Variants in PEAK1 observed in about 807,000 individuals in gnomAD.
The protein encoded by PEAK1 is inactive tyrosine-protein kinase PEAK1.
In PEAK1, 54 loss-of-function variants were observed where a neutral mutation model predicts 124.7. That is an observed-to-expected ratio of 0.43 (90% CI 0.35 to 0.54). The LOEUF (loss-of-function observed/expected upper bound fraction) is 0.54. PEAK1 is among the 20% of genes least tolerant of loss of function. The pLI, the probability that PEAK1 is intolerant of heterozygous loss-of-function variation, is 0.01. For missense variants in PEAK1, 2,046 were observed against 2,134.5 expected (o/e 0.96, Z 0.82); for synonymous variants, 719 against 760.0 (o/e 0.95, Z 0.89).
chr15:77,382,937 T>C (rs1338216960), intron 1 of PEAK1, among the ~76,000 whole-genome samples: 1 of 152,122 alleles, frequency 6.6e-6, no homozygotes, highest in Non-Finnish European at 1.5e-5. Context: ...CTTAAAATGT[T>C]TATTGATCTA....
chr15:77,348,554 A>G, intron 2 of PEAK1: 1 of 966,354 alleles, frequency 1.0e-6, no homozygotes, highest in Non-Finnish European at 1.2e-6. Context: ...AAAGCTTGGC[A>G]AGCTTAAGTG....
chr15:77,239,955 T>C (rs1012915680), intron 6 of PEAK1: 1 of 480,326 alleles, frequency 2.1e-6, no homozygotes, highest in Admixed American at 6.4e-5. Flanking sequence ...CTATGACAAA[T>C]AGATGAGCAC....
At chr15:77,267,420 T>C (rs981898484) in intron 5 of PEAK1, among the ~76,000 whole-genome samples, 1 of 152,112 alleles carries the variant, frequency 6.6e-6, no homozygotes, top group Non-Finnish European at 1.5e-5. Context: ...AACCAGCTTG[T>C]GTAACAAAAA....
intron 8 of PEAK1, among the ~76,000 whole-genome samples, chr15:77,146,326 T>C (rs958207565): frequency 6.6e-6 from 1 of 152,182 alleles, no homozygotes; most frequent in African/African-American, 2.4e-5. Flanking sequence ...GGATATCAAC[T>C]TCATGCCAAA....
chr15:77,213,507 G>T (rs2059001597), intron 6 of PEAK1, among the ~76,000 whole-genome samples: 1 of 152,084 alleles, frequency 6.6e-6, no homozygotes, highest in Non-Finnish European at 1.5e-5. Context: ...TGGCCAAGAT[G>T]GTGAAACCCC....
At position 77,388,960 on chromosome 15, in the gene PEAK1, A is replaced by ATT. The variant is rs751451938; in HGVS notation, c.-665-23737_-665-23736dup. ...TCTGCCTGTCTACCTTCTTTTGCTT[A>ATT]TTTTTTTTTTTTTTTTTTTGGAGAT... is the stretch of plus-strand genomic sequence containing the variant. On this transcript the variant is annotated intron_variant, in intron 1 of 9. Transcript: ENST00000682557. 7.6e-3 allele frequency among the ~76,000 whole-genome samples: 927 copies of ATT among 121,662 alleles called. 20 individuals carry two copies. The highest frequency in any genetic ancestry group is 0.026 in the African/African-American group (861 of 32,562). 79.8% of individuals were successfully genotyped at this position (121,662 alleles called of 152,430 possible).
At chr15:77,200,110 A>G (rs2058291964) in intron 6 of PEAK1, among the ~76,000 whole-genome samples, 1 of 152,106 alleles carries the variant, frequency 6.6e-6, no homozygotes, top group South Asian at 2.1e-4. Flanking sequence ...GTCACCCTTG[A>G]GATAGCAAAA....
At chr15:77,250,093 TA>T (rs1273399479) in intron 6 of PEAK1, among the ~76,000 whole-genome samples, 3 of 148,252 alleles carry the variant, frequency 2.0e-5, no homozygotes, top group Non-Finnish European at 4.4e-5. Context: ...ATGCCACAAG[TA>T]GAGGTTTAAC....
At chr15:77,222,720 G>A (rs1008283589) in intron 6 of PEAK1, among the ~76,000 whole-genome samples, 2 of 151,946 alleles carry the variant, frequency 1.3e-5, no homozygotes, top group Non-Finnish European at 2.9e-5. Context: ...TCCAGACAAA[G>A]CCTGCTGGAA....
At chr15:77,192,009 T>C (rs570029206) in intron 6 of PEAK1, among the ~76,000 whole-genome samples, 1 of 152,348 alleles carries the variant, frequency 6.6e-6, no homozygotes, top group East Asian at 1.9e-4. Context: ...TGCACTACTT[T>C]AACTGTAGAA....
At chr15:77,218,249 T>C (rs560898059) in intron 6 of PEAK1, among the ~76,000 whole-genome samples, 1 of 152,304 alleles carries the variant, frequency 6.6e-6, no homozygotes, top group East Asian at 1.9e-4. Flanking sequence ...GTAGATTTTT[T>C]TGGTAGATAA....
At chr15:77,356,014 T>G in intron 2 of PEAK1, 1 of 901,020 alleles carries the variant, frequency 1.1e-6, no homozygotes, top group Non-Finnish European at 1.3e-6. Flanking sequence ...AAAGTTCTAT[T>G]TTGCTTCTCT....
intron 9 of PEAK1, among the ~76,000 whole-genome samples, chr15:77,128,955 C>T (rs2052614454): frequency 6.6e-6 from 1 of 152,162 alleles, no homozygotes. Context: ...AGGTAGAGTG[C>T]TATGGGCTAA....
At chr15:77,151,876 G>A (rs1375047367) in intron 8 of PEAK1, among the ~76,000 whole-genome samples, 1 of 152,162 alleles carries the variant, frequency 6.6e-6, no homozygotes, top group Non-Finnish European at 1.5e-5. Flanking sequence ...CTATATCTCT[G>A]TTTTGGTAAC....
At chr15:77,392,290 C>T (rs1172071674) in intron 1 of PEAK1, among the ~76,000 whole-genome samples, 1 of 152,114 alleles carries the variant, frequency 6.6e-6, no homozygotes, top group Non-Finnish European at 1.5e-5. Context: ...AATGGTGTGG[C>T]CAAAGTTACC....
intron 5 of PEAK1, chr15:77,278,672 G>A: frequency 1.9e-6 from 1 of 522,230 alleles, no homozygotes; most frequent in Non-Finnish European, 3.8e-6. Context: ...GAATAAGCCT[G>A]CAGAAAATGG....
intron 7 of PEAK1, among the ~76,000 whole-genome samples, chr15:77,176,970 T>A (rs1290178513): frequency 1.3e-5 from 2 of 152,190 alleles, no homozygotes; most frequent in East Asian, 1.9e-4. Flanking sequence ...TACATGTTTT[T>A]TTTTGAGATG....
At chr15:77,216,034 C>T (rs542339173) in intron 6 of PEAK1, among the ~76,000 whole-genome samples, 83 of 152,216 alleles carry the variant, frequency 5.5e-4, no homozygotes, top group Non-Finnish European at 6.3e-4. Context: ...CTATTTTAGG[C>T]TATCTTCCCA....
intron 1 of PEAK1, chr15:77,402,261 CAGA>C (rs2071435927): frequency 5.1e-6 from 5 of 983,980 alleles, no homozygotes; most frequent in Non-Finnish European, 6.0e-6. Flanking sequence ...CAGAAACAAG[CAGA>C]AGGTTTTCAG....
Sources: gnomAD v4.1 joint callset for allele counts (sites outside exome capture counted in the v4.1 genomes callset) on GRCh38, gnomAD v4.1.1 for gene constraint, MANE v1.5 for transcripts, NCBI Gene and HGNC (gene_info 2026-07-23, HGNC 2026-07-21) for gene names.